The following GALNTL6 variants were observed in gnomAD, a reference collection of about 807,000 sequenced individuals.
GALNTL6 encodes the protein polypeptide N-acetylgalactosaminyltransferase-like 6.
In GALNTL6, 46 loss-of-function variants were observed where a neutral mutation model predicts 73.7. The observed-to-expected ratio is 0.62, with a 90% confidence interval of 0.49 to 0.80. The LOEUF (loss-of-function observed/expected upper bound fraction) is 0.80. Among genes scored for constraint, GALNTL6 ranks in the 30% least tolerant of loss-of-function variants. The pLI, the probability that GALNTL6 is intolerant of heterozygous loss-of-function variation, is 0.00. For missense variants in GALNTL6, 604 were observed against 755.0 expected (o/e 0.80, Z 2.34); for synonymous variants, 259 against 263.7 (o/e 0.98, Z 0.17).
intron 2 of GALNTL6, among the ~76,000 whole-genome samples, chr4:172,116,006 AT>A (rs1219023671): frequency 3.3e-5 from 5 of 152,082 alleles, no homozygotes; most frequent in Non-Finnish European, 5.9e-5. Context: ...AATTAAAAAA[AT>A]GAGTTGAATC....
intron 11 of GALNTL6, among the ~76,000 whole-genome samples, chr4:173,013,672 A>C (rs779026174): frequency 1.3e-5 from 2 of 151,848 alleles, no homozygotes; most frequent in African/African-American, 2.4e-5. Flanking sequence ...ACATAGGCAG[A>C]ACAGAAAGAC....
intron 5 of GALNTL6, among the ~76,000 whole-genome samples, chr4:172,392,147 C>T (rs886660235): frequency 6.6e-6 from 1 of 151,996 alleles, no homozygotes; most frequent in Non-Finnish European, 1.5e-5. Flanking sequence ...CGCCACCACA[C>T]CCCCCTAATT....
intron 9 of GALNTL6, among the ~76,000 whole-genome samples, chr4:172,941,271 T>G (rs1748906757): frequency 6.6e-6 from 1 of 152,248 alleles, no homozygotes. Context: ...AGATTTTATG[T>G]TAGCTTTTGT....
chr4:171,952,033 A>G (rs1189418174), intron 2 of GALNTL6, among the ~76,000 whole-genome samples: 1 of 152,052 alleles, frequency 6.6e-6, no homozygotes, highest in Non-Finnish European at 1.5e-5. Context: ...TACAAAGTGT[A>G]ATAGAGTAAC....
At chr4:172,756,975 A>G (rs1333561261) in intron 5 of GALNTL6, among the ~76,000 whole-genome samples, 1 of 152,242 alleles carries the variant, frequency 6.6e-6, no homozygotes, top group Admixed American at 6.5e-5. Flanking sequence ...GCTAGAAGGC[A>G]AGACTTTGTT....
intron 5 of GALNTL6, among the ~76,000 whole-genome samples, chr4:172,621,048 C>T (rs991699202): frequency 1.3e-5 from 2 of 152,120 alleles, no homozygotes; most frequent in Non-Finnish European, 2.9e-5. Context: ...AACTGAGAAG[C>T]TCGGCTTTCT....
intron 2 of GALNTL6, among the ~76,000 whole-genome samples, chr4:171,936,428 G>A (rs74329894): frequency 3.5e-3 from 539 of 152,122 alleles, no homozygotes; most frequent in Middle Eastern, 6.8e-3. Context: ...TGCATACTTC[G>A]TATGAATTTG....
At chr4:171,917,199 G>A (rs934731677) in intron 2 of GALNTL6, among the ~76,000 whole-genome samples, 2 of 151,790 alleles carry the variant, frequency 1.3e-5, no homozygotes, top group Admixed American at 6.6e-5. Flanking sequence ...TAAAAGAGTG[G>A]GCATATATGT....
intron 2 of GALNTL6, among the ~76,000 whole-genome samples, chr4:171,859,498 A>G (rs145370481): frequency 5.9e-5 from 9 of 152,230 alleles, no homozygotes; most frequent in Admixed American, 2.0e-4. Context: ...CTTAGTCTTG[A>G]TGACACACTG....
At chr4:172,737,581 A>G (rs1736544598) in intron 5 of GALNTL6, among the ~76,000 whole-genome samples, 1 of 152,198 alleles carries the variant, frequency 6.6e-6, no homozygotes, top group Admixed American at 6.5e-5. Context: ...ATTCTTGATC[A>G]GAAAACTCAC....
chr4:172,965,672 C>T (rs2126392050), intron 10 of GALNTL6, among the ~76,000 whole-genome samples: 1 of 151,150 alleles, frequency 6.6e-6, no homozygotes, highest in East Asian at 1.9e-4. Context: ...AATTGGACAT[C>T]TTAGTGCCCC....
At chr4:172,489,288 G>A (rs771278264) in intron 5 of GALNTL6, among the ~76,000 whole-genome samples, 4 of 151,986 alleles carry the variant, frequency 2.6e-5, no homozygotes, top group African/African-American at 4.8e-5. Flanking sequence ...ACACACACAC[G>A]CTCAGATATA....
intron 2 of GALNTL6, among the ~76,000 whole-genome samples, chr4:172,012,766 T>G (rs569700663): frequency 9.1e-4 from 137 of 150,152 alleles, no homozygotes; most frequent in Non-Finnish European, 1.7e-3. Context: ...GTTTGTTTCT[T>G]TTTAAATTTA....
intron 5 of GALNTL6, among the ~76,000 whole-genome samples, chr4:172,462,832 T>C (rs530378516): frequency 3.9e-5 from 6 of 152,286 alleles, no homozygotes; most frequent in African/African-American, 1.2e-4. Context: ...CTTTCAGCCT[T>C]AGACAGCAGG....
chr4:172,304,549 T>G (rs2111129241), intron 3 of GALNTL6, among the ~76,000 whole-genome samples: 1 of 152,334 alleles, frequency 6.6e-6, no homozygotes, highest in Middle Eastern at 3.4e-3. Context: ...TAAAAATTCT[T>G]GAGTGTTTCA....
intron 5 of GALNTL6, among the ~76,000 whole-genome samples, chr4:172,464,845 A>G (rs1002519563): frequency 6.6e-6 from 1 of 152,154 alleles, no homozygotes; most frequent in Non-Finnish European, 1.5e-5. Context: ...TATACAAAAA[A>G]TCTCTGATAT....
At chr4:172,866,236 C>A (rs1579584242) in intron 7 of GALNTL6, among the ~76,000 whole-genome samples, 1 of 152,142 alleles carries the variant, frequency 6.6e-6, no homozygotes, top group Non-Finnish European at 1.5e-5. Flanking sequence ...CCAGCTTAAA[C>A]CCTTCAGTAA....
At chr4:172,746,047 G>T (rs1230788432) in intron 5 of GALNTL6, among the ~76,000 whole-genome samples, 3 of 151,614 alleles carry the variant, frequency 2.0e-5, no homozygotes, top group Non-Finnish European at 4.4e-5. Flanking sequence ...TTAAAATCAA[G>T]ATAATAAAAT....
At chr4:172,162,535 G>A (rs1371051942) in intron 2 of GALNTL6, among the ~76,000 whole-genome samples, 1 of 151,800 alleles carries the variant, frequency 6.6e-6, no homozygotes, top group Non-Finnish European at 1.5e-5. Flanking sequence ...GTCTAAGGGG[G>A]TCACGAGGAA....
Sources: gnomAD v4.1 joint callset for allele counts (sites outside exome capture counted in the v4.1 genomes callset) on GRCh38, gnomAD v4.1.1 for gene constraint, MANE v1.5 for transcripts, NCBI Gene and HGNC (gene_info 2026-07-23, HGNC 2026-07-21) for gene names.